The following KANSL1L variants were observed in gnomAD, a reference collection of about 807,000 sequenced individuals.
KANSL1L encodes the protein KAT8 regulatory NSL complex subunit 1-like protein.
KANSL1L carries 25 observed loss-of-function variants against 108.6 expected under a neutral mutation model. That is an observed-to-expected ratio of 0.23 (90% CI 0.17 to 0.32). The LOEUF is 0.32. Ranked by LOEUF, KANSL1L falls within the 10% of genes least tolerant of loss-of-function variation. The pLI, the probability that KANSL1L is intolerant of heterozygous loss-of-function variation, is 1.00. For missense variants in KANSL1L, 1,137 were observed against 1,125.7 expected, an observed-to-expected ratio of 1.01 and a Z score of -0.14; for synonymous variants, 405 against 395.1, an observed-to-expected ratio of 1.03 and a Z score of -0.30.
Position 210,129,815 on chromosome 2 carries a change from A to G in KANSL1L, c.1089-643T>C, listed in dbSNP as rs558951687. Among the ~76,000 whole-genome samples, 11 of 152,276 alleles carry G rather than the reference A, an allele frequency of 7.2e-5. No homozygotes were observed. The South Asian group carries it at 2.3e-3, about 32-fold the overall frequency. ...CTGATTCCTAGGATTCACAACCTACAGATCACAAAGAATTTACATAAAGCC... is the reference window on the plus strand; with the variant it reads ...CTGATTCCTAGGATTCACAACCTACGGATCACAAAGAATTTACATAAAGCC... On this transcript the variant is annotated intron_variant, in intron 2 of 14. Coordinates refer to ENST00000281772, the MANE Select transcript of KANSL1L (RefSeq NM_152519.4).
At chr2:210,063,139 C>T (rs2094436144) in intron 6 of KANSL1L, among the ~76,000 whole-genome samples, 1 of 152,228 alleles carries the variant, frequency 6.6e-6, no homozygotes, top group African/African-American at 2.4e-5. Context: ...CAATGTAGAG[C>T]TCAGGCTGTG....
chr2:210,152,571 G>A (rs2095310489), intron 2 of KANSL1L: 2 of 152,220 alleles, frequency 1.3e-5, no homozygotes, highest in Non-Finnish European at 2.9e-5. Context: ...CAGAGGTTGT[G>A]AATATGTTGC....
At chr2:210,056,941 A>G (rs754592816) in intron 6 of KANSL1L, among the ~76,000 whole-genome samples, 16 of 152,174 alleles carry the variant, frequency 1.1e-4, no homozygotes, top group Non-Finnish European at 1.9e-4. Context: ...TTTAATATCA[A>G]TGGTCACAAA....
chr2:210,167,425 A>G (rs769611007), intron 1 of KANSL1L, among the ~76,000 whole-genome samples: 1 of 152,044 alleles, frequency 6.6e-6, no homozygotes, highest in Non-Finnish European at 1.5e-5. Flanking sequence ...CACATCAAAC[A>G]GATCATACTT....
chr2:210,092,673 T>G (rs1353602405), intron 5 of KANSL1L, among the ~76,000 whole-genome samples: 1 of 152,226 alleles, frequency 6.6e-6, no homozygotes, highest in Non-Finnish European at 1.5e-5. Flanking sequence ...TTATTCTTAC[T>G]CTTCTTGCTC....
At chr2:210,092,215 ATT>A (rs2094698492) in intron 5 of KANSL1L, among the ~76,000 whole-genome samples, 1 of 151,948 alleles carries the variant, frequency 6.6e-6, no homozygotes, top group African/African-American at 2.4e-5. Flanking sequence ...AGTTCAAGTA[ATT>A]TTTCAGTCAC....
At chr2:210,092,226 ACT>A (rs1324329424) in intron 5 of KANSL1L, among the ~76,000 whole-genome samples, 2 of 151,502 alleles carry the variant, frequency 1.3e-5, no homozygotes, top group African/African-American at 2.4e-5. Flanking sequence ...TTTTTCAGTC[ACT>A]CTCTCTTCAA....
chr2:210,028,802 A>G, intron 11 of KANSL1L, 43 bp downstream of exon 11: 2 of 1,384,392 alleles, frequency 1.4e-6, no homozygotes, highest in Non-Finnish European at 9.9e-7. Context: ...TAAGTTTATT[A>G]GGGAAGGAAG....
At position 210,064,719 on chromosome 2, in the gene KANSL1L, G is replaced by A. The variant is rs540179696; in HGVS notation, c.1755+10833C>T. Among the ~76,000 whole-genome samples, 12 of 151,080 alleles carry A rather than the reference G, an allele frequency of 7.9e-5. No homozygotes were observed. In the South Asian group the frequency reaches 2.3e-3, roughly 29 times the overall value. ...AGCTACTTGGGAGGCTGAGGTGGGA[G>A]GACTGCTTGAGCCTGGGAGGTCGAG... is the stretch of plus-strand genomic sequence containing the variant. On this transcript the variant is annotated intron_variant, in intron 6 of 14. Coordinates refer to ENST00000281772, the MANE Select transcript of KANSL1L (RefSeq NM_152519.4).
chr2:210,167,363 T>C (rs1057487641), intron 1 of KANSL1L, among the ~76,000 whole-genome samples: 4 of 152,060 alleles, frequency 2.6e-5, no homozygotes, highest in Non-Finnish European at 5.9e-5. Flanking sequence ...GAATTCTCTT[T>C]GAAGACTAAA....
At position 210,105,375 on chromosome 2, in the gene KANSL1L, ATAT is replaced by A. The variant is rs754392694; in HGVS notation, c.1231-1077_1231-1075del. ...AATATATATATATATTTGAAAAAAA[ATAT>A]ATATATATATATTTGAAACATGCTA... is the stretch of plus-strand genomic sequence containing the variant. On this transcript the variant is annotated intron_variant, in intron 3 of 14. Transcript: ENST00000281772. Among the ~76,000 whole-genome samples the A allele has an allele frequency of 9.2e-3, 1,351 of 146,532 alleles. 21 individuals carry two copies. Among genetic ancestry groups the A allele is most frequent in the African/African-American group, 0.029 (1,157 of 40,426 alleles).
intron 10 of KANSL1L, 84 bp downstream of exon 10, chr2:210,029,719 G>C: frequency 1.5e-6 from 1 of 682,402 alleles, no homozygotes; most frequent in Non-Finnish European, 2.5e-6. Flanking sequence ...GGCTGTTATA[G>C]ATTAGCAAAA....
At chr2:210,101,177 T>G (rs2094790484) in intron 4 of KANSL1L, among the ~76,000 whole-genome samples, 1 of 152,198 alleles carries the variant, frequency 6.6e-6, no homozygotes, top group Admixed American at 6.5e-5. Flanking sequence ...CAATGAGACC[T>G]AAAATGATAC....
At chr2:210,134,560 T>C (rs562030776) in intron 2 of KANSL1L, among the ~76,000 whole-genome samples, 3 of 152,150 alleles carry the variant, frequency 2.0e-5, no homozygotes, top group Non-Finnish European at 2.9e-5. Context: ...TTATATTACT[T>C]GCTGTTCAAC....
intron 6 of KANSL1L, among the ~76,000 whole-genome samples, chr2:210,061,672 T>C (rs1464071935): frequency 6.6e-6 from 1 of 152,166 alleles, no homozygotes; most frequent in Admixed American, 6.5e-5. Context: ...GAAGCATAGA[T>C]TCTCCAAGCA....
At chr2:210,168,588 A>T (rs1252758182) in intron 1 of KANSL1L, among the ~76,000 whole-genome samples, 1 of 152,100 alleles carries the variant, frequency 6.6e-6, no homozygotes, top group Non-Finnish European at 1.5e-5. Flanking sequence ...AGACAGATGA[A>T]TGAGTAAAGG....
intron 3 of KANSL1L, among the ~76,000 whole-genome samples, chr2:210,124,629 G>A (rs2095049725): frequency 6.6e-6 from 1 of 151,866 alleles, no homozygotes. Flanking sequence ...AAAGCTAGCA[G>A]AAGAAAGGAA....
At chr2:210,153,437 A>C in intron 2 of KANSL1L, 58 bp downstream of exon 2, 1 of 1,301,142 alleles carries the variant, frequency 7.7e-7, no homozygotes, top group Non-Finnish European at 1.1e-6. Context: ...CCTGGAAACT[A>C]AGATAATTGC....
At chr2:210,131,715 T>G (rs1042620940) in intron 2 of KANSL1L, among the ~76,000 whole-genome samples, 60 of 152,154 alleles carry the variant, frequency 3.9e-4, no homozygotes, top group African/African-American at 1.3e-3. Flanking sequence ...TTTTCTTTTT[T>G]TTTTTTTTTA....
Sources: gnomAD v4.1 joint callset for allele counts (sites outside exome capture counted in the v4.1 genomes callset) on GRCh38, gnomAD v4.1.1 for gene constraint, MANE v1.5 for transcripts, NCBI Gene and HGNC (gene_info 2026-07-23, HGNC 2026-07-21) for gene names.